PRKCB: variants seen among roughly 807,000 people sequenced by gnomAD.
PRKCB encodes protein kinase C beta, also known as protein kinase C beta type.
PRKCB carries 13 observed loss-of-function variants against 81.5 expected under a neutral mutation model. That is an observed-to-expected ratio of 0.16 (90% CI 0.10 to 0.25). The LOEUF is 0.25. PRKCB is among the 10% of genes least tolerant of loss of function. The probability of loss-of-function intolerance (pLI) is 1.00; values close to 1 mark genes in which losing one functional copy is unlikely to be tolerated. For synonymous variants in PRKCB, 335 were observed against 321.4 expected, an observed-to-expected ratio of 1.04 and a Z score of -0.45; for missense variants, 509 against 875.7, an observed-to-expected ratio of 0.58 and a Z score of 5.29.
intron 2 of PRKCB, among the ~76,000 whole-genome samples, chr16:23,971,672 C>T (rs1479011226): frequency 3.3e-5 from 5 of 152,194 alleles, no homozygotes; most frequent in African/African-American, 1.2e-4. Context: ...CTCAGGGTTT[C>T]CTCTCTTACT....
intron 16 of PRKCB, among the ~76,000 whole-genome samples, chr16:24,197,366 T>C (rs1967894852): frequency 6.6e-6 from 1 of 151,918 alleles, no homozygotes; most frequent in South Asian, 2.1e-4. Context: ...GAGCCATGTA[T>C]ATATCTGGGT....
chr16:24,089,211 G>A (rs905839017), intron 5 of PRKCB, among the ~76,000 whole-genome samples: 1 of 152,184 alleles, frequency 6.6e-6, no homozygotes, highest in Non-Finnish European at 1.5e-5. Flanking sequence ...TAGACTGGCA[G>A]CATCAGCATC....
rs952604500 is a variant in PRKCB at position 24,098,166 on chromosome 16, T to G, written c.821+3869T>G. The G allele has an allele frequency of 3.9e-5, 6 of 152,236 alleles. No homozygotes were observed. The East Asian group carries it at 7.7e-4, about 20-fold the overall frequency. 9.4% of individuals were successfully genotyped at this position (152,236 alleles called of 1,614,324 possible). On this transcript the variant is annotated intron_variant, in intron 7 of 16. Coordinates refer to ENST00000643927, the MANE Select transcript of PRKCB (RefSeq NM_002738.7). ...TAGAATTTTATTTTGGTTTACAGAA[T>G]GTACCCCAAAAGAGTTGTGTTAAAG...
intron 2 of PRKCB, among the ~76,000 whole-genome samples, chr16:23,898,972 T>C (rs369940841): frequency 2.0e-5 from 3 of 152,342 alleles, no homozygotes; most frequent in East Asian, 1.9e-4. Context: ...GGTCTATGCC[T>C]GGACCATAGG....
At chr16:24,057,218 C>T (rs765771919) in intron 5 of PRKCB, among the ~76,000 whole-genome samples, 4 of 152,210 alleles carry the variant, frequency 2.6e-5, no homozygotes, top group Non-Finnish European at 5.9e-5. Context: ...GCCAACAGTG[C>T]TTCTTTGGTC....
intron 3 of PRKCB, among the ~76,000 whole-genome samples, chr16:24,008,367 G>A (rs112701178): frequency 1.5e-3 from 231 of 152,358 alleles, no homozygotes; most frequent in African/African-American, 5.4e-3. Context: ...TACAGCCTTG[G>A]CCTGATTTGG....
In PRKCB at chr16:24,125,932, C is replaced by T. The variant is rs562527419; in HGVS notation, c.1065+1951C>T. ...ATAGGCAGTTGGCAGTGGTCCACAACGTTGTATGGTTTTTACCAGCAGCTC... is the reference window on the plus strand; with the variant it reads ...ATAGGCAGTTGGCAGTGGTCCACAATGTTGTATGGTTTTTACCAGCAGCTC... On this transcript the variant is annotated intron_variant, in intron 9 of 16. Coordinates refer to ENST00000643927, the MANE Select transcript of PRKCB (RefSeq NM_002738.7). Among the ~76,000 whole-genome samples the T allele has an allele frequency of 6.6e-5, 10 of 152,240 alleles. 1 individual carries two copies. The highest frequency in any genetic ancestry group is 3.4e-3 in the Middle Eastern group (1 of 294).
chr16:24,198,552 G>T (rs191053267), intron 16 of PRKCB, among the ~76,000 whole-genome samples: 1 of 152,160 alleles, frequency 6.6e-6, no homozygotes, highest in Admixed American at 6.5e-5. Flanking sequence ...TGCCCAGGCT[G>T]GTGTCAAAAT....
intron 2 of PRKCB, among the ~76,000 whole-genome samples, chr16:23,950,141 T>TTTG (rs1964259639): frequency 7.0e-6 from 1 of 143,668 alleles, no homozygotes; most frequent in Non-Finnish European, 1.5e-5. Flanking sequence ...AATTTTTTTT[T>TTTG]TTTTTTTTTT....
At position 23,918,382 on chromosome 16, in the gene PRKCB, TA is replaced by T. The variant is rs1342389525; in HGVS notation, c.206-70125del. ...AGACTTGTTCTTTGTGTTACCTTTT[TA>T]TTATTATTATTATTATTATTTTTTT... is the stretch of plus-strand genomic sequence containing the variant. On this transcript the variant is annotated intron_variant, in intron 2 of 16. Coordinates refer to ENST00000643927, the MANE Select transcript of PRKCB (RefSeq NM_002738.7). Among the ~76,000 whole-genome samples, 22 of 102,164 alleles carry T rather than the reference TA, an allele frequency of 2.2e-4. 1 individual carries two copies. The South Asian group carries it at 2.6e-3, about 12-fold the overall frequency. The allele number at this position is 102,164 out of a possible 152,430, so 67.0% of individuals were successfully genotyped here. A position where few individuals can be genotyped will look rare whatever the true frequency, so the allele number is the denominator to read the frequency against.
At chr16:24,173,841 ATTTG>A (rs1191260777) in intron 11 of PRKCB, among the ~76,000 whole-genome samples, 2 of 152,114 alleles carry the variant, frequency 1.3e-5, no homozygotes, top group African/African-American at 4.8e-5. Context: ...CAGTTTCCTC[ATTTG>A]AGGAATGGGG....
intron 14 of PRKCB, 110 bp from the exon 15 acceptor site, chr16:24,185,350 G>A (rs781370243): frequency 4.1e-6 from 5 of 1,214,442 alleles, no homozygotes; most frequent in Non-Finnish European, 5.9e-6. Context: ...TGAAAGCCTG[G>A]GTGTGTGGCT....
intron 10 of PRKCB, among the ~76,000 whole-genome samples, chr16:24,155,366 A>T (rs950435552): frequency 2.0e-5 from 3 of 152,188 alleles, no homozygotes; most frequent in African/African-American, 7.2e-5. Context: ...ATGGCTGCCA[A>T]GGTGAGAAGG....
At position 23,881,969 on chromosome 16, in the gene PRKCB, T is replaced by C. The variant is rs534845236; in HGVS notation, c.205+44563T>C. Among the ~76,000 whole-genome samples, 11 of 18,628 alleles carry C rather than the reference T, an allele frequency of 5.9e-4. No individual in the cohort carries two copies. In the East Asian group the frequency reaches 0.061, roughly 103 times the overall value. 12.2% of individuals were successfully genotyped at this position (18,628 alleles called of 152,430 possible). ...GTTTCTTCCTTTTTTTCTTTTCCTT[T>C]CTTTCTTTCTTTCTTTCTTTCTTTC... On this transcript the variant is annotated intron_variant, in intron 2 of 16. Coordinates refer to ENST00000643927, the MANE Select transcript of PRKCB (RefSeq NM_002738.7).
intron 3 of PRKCB, among the ~76,000 whole-genome samples, chr16:24,031,210 T>C (rs1965547892): frequency 6.6e-6 from 1 of 152,224 alleles, no homozygotes; most frequent in South Asian, 2.1e-4. Context: ...TAGGAAATTA[T>C]GTAAGGTTCT....
chr16:23,987,119 A>T (rs2141820690), intron 2 of PRKCB, among the ~76,000 whole-genome samples: 1 of 152,312 alleles, frequency 6.6e-6, no homozygotes, highest in South Asian at 2.1e-4. Flanking sequence ...TAGAATCCAA[A>T]CAAGGTCCAC....
At chr16:24,107,071 A>G (rs999475390) in intron 7 of PRKCB, among the ~76,000 whole-genome samples, 1 of 152,164 alleles carries the variant, frequency 6.6e-6, no homozygotes, top group Non-Finnish European at 1.5e-5. Flanking sequence ...TTCATTGACT[A>G]ATTGTTATCT....
chr16:24,033,398 G>A (rs1367617826), intron 4 of PRKCB, among the ~76,000 whole-genome samples: 1 of 152,164 alleles, frequency 6.6e-6, no homozygotes, highest in Non-Finnish European at 1.5e-5. Flanking sequence ...GAGGAATGTG[G>A]GGCGTGGAAG....
At chr16:23,976,965 C>T (rs1354650612) in intron 2 of PRKCB, among the ~76,000 whole-genome samples, 1 of 152,182 alleles carries the variant, frequency 6.6e-6, no homozygotes, top group African/African-American at 2.4e-5. Flanking sequence ...TTTTATCTTG[C>T]TTAGTTAAAT....
Sources: gnomAD v4.1 joint callset for allele counts (sites outside exome capture counted in the v4.1 genomes callset) on GRCh38, gnomAD v4.1.1 for gene constraint, MANE v1.5 for transcripts, NCBI Gene and HGNC (gene_info 2026-07-23, HGNC 2026-07-21) for gene names.